The following ANK3 variants were observed in gnomAD, a reference collection of about 807,000 sequenced individuals.
ANK3 encodes ankyrin 3, also known as ankyrin-3.
ANK3 carries 57 observed loss-of-function variants against 370.9 expected under a neutral mutation model. That is an observed-to-expected ratio of 0.15 (90% CI 0.12 to 0.19). The LOEUF is 0.19. ANK3 is among the 10% of genes least tolerant of loss of function. The pLI is 1.00. For synonymous variants in ANK3, 1,929 were observed against 1,946.3 expected (o/e 0.99, Z 0.23); for missense variants, 4,439 against 5,302.1 (o/e 0.84, Z 5.06).
intron 18 of ANK3, 64 bp from the exon 19 acceptor site, chr10:60,173,250 A>T: frequency 2.4e-6 from 3 of 1,254,182 alleles, no homozygotes; most frequent in Non-Finnish European, 3.3e-6. Context: ...AGCTATCCTA[A>T]ACAGAAGCAA....
chr10:60,702,975 A>G (rs2079565550), intron 1 of ANK3, among the ~76,000 whole-genome samples: 1 of 152,202 alleles, frequency 6.6e-6, no homozygotes, highest in Non-Finnish European at 1.5e-5. Flanking sequence ...TTATTCAATG[A>G]TACCACAGGG....
chr10:60,529,031 G>T lies in ANK3; in HGVS notation c.96+86155C>A, dbSNP rs117360004. Among the ~76,000 whole-genome samples, 1,066 of 152,072 alleles carry T rather than the reference G, an allele frequency of 7.0e-3. 28 individuals carry two copies. The highest frequency in any genetic ancestry group is 0.035 in the East Asian group (183 of 5,160). On this transcript the variant is annotated intron_variant, in intron 2 of 43. Coordinates refer to the ANK3 transcript ENST00000373827. ...GAGTCATCTGTTAAAGATATGATGG[G>T]TTCACCATTACCATGAACATTGTGA... is the stretch of plus-strand genomic sequence containing the variant.
chr10:60,502,861 A>G (rs1595159634), intron 2 of ANK3, among the ~76,000 whole-genome samples: 1 of 148,104 alleles, frequency 6.8e-6, no homozygotes, highest in African/African-American at 2.5e-5. Flanking sequence ...GAAGGAAAAG[A>G]AAAAGGAAAA....
intron 1 of ANK3, among the ~76,000 whole-genome samples, chr10:60,672,412 A>C (rs1316372680): frequency 6.6e-6 from 1 of 152,200 alleles, no homozygotes. Flanking sequence ...GGGAAGAGGC[A>C]ATGGGCTGGA....
intron 2 of ANK3, among the ~76,000 whole-genome samples, chr10:60,479,156 C>A (rs2075146837): frequency 6.6e-6 from 1 of 152,040 alleles, no homozygotes; most frequent in Non-Finnish European, 1.5e-5. Flanking sequence ...ATCATAGCAA[C>A]TGAATGATTT....
intron 1 of ANK3, among the ~76,000 whole-genome samples, chr10:60,310,659 A>C (rs1056306529): frequency 6.6e-6 from 1 of 152,248 alleles, no homozygotes; most frequent in African/African-American, 2.4e-5. Flanking sequence ...AGGAGCCGTA[A>C]TGCCTATGCC....
At position 60,719,830 on chromosome 10, in the gene ANK3, A is replaced by G. The variant is rs532550501; in HGVS notation, c.57+13433T>C. Among the ~76,000 whole-genome samples, 3 of 152,344 alleles carry G rather than the reference A, an allele frequency of 2.0e-5. No homozygotes were observed. The South Asian group carries it at 6.2e-4, about 32-fold the overall frequency. Reference sequence around the variant, plus strand: ...GGTTATACATTTTATAAACCAATAAAAAATATATGGCATTGATTTTGGTGC... The same window carrying G: ...GGTTATACATTTTATAAACCAATAAGAAATATATGGCATTGATTTTGGTGC... On this transcript the variant is annotated intron_variant, in intron 1 of 43. Transcript: ENST00000373827.
Position 60,073,577 on chromosome 10 carries a change from T to A in ANK3, c.7304A>T (p.Tyr2435Phe). 1 of 1,614,104 alleles carries A rather than the reference T, an allele frequency of 6.2e-7. No individual in the cohort carries two copies. The highest frequency in any genetic ancestry group is 8.5e-7 in the Non-Finnish European group (1 of 1,180,008). Residue 2435 changes from tyrosine to phenylalanine, a missense_variant, in exon 37 of 44, where the codon TAT becomes TTT. By Grantham distance (22) the Tyr-to-Phe change is conservative. Around this residue, in one of 13 missense-constraint regions of ANK3, gnomAD observed 1,601 missense variants for 1,731.7 expected, o/e 0.92. Coordinates refer to ENST00000280772, the MANE Select transcript of ANK3 (RefSeq NM_020987.5). ...SSAQLISDDS[Y>F]KTLKLLSQHS... ...TTGACTCAAAAGCTTCAATGTTTTA[T>A]AAGAGTCATCAGATATGAGTTGAGC...
chr10:60,114,371 C>T, intron 25 of ANK3, 40 bp from the exon 26 acceptor site: 1 of 1,130,536 alleles, frequency 8.8e-7, no homozygotes, highest in Non-Finnish European at 1.3e-6. Context: ...ATCAACAAAC[C>T]ATACAAGACT....
chr10:60,280,722 A>G (rs1351853838), intron 1 of ANK3, among the ~76,000 whole-genome samples: 1 of 152,212 alleles, frequency 6.6e-6, no homozygotes, highest in Admixed American at 6.5e-5. Flanking sequence ...ACCAGTTATA[A>G]ATGCAATCAT....
intron 1 of ANK3, among the ~76,000 whole-genome samples, chr10:60,308,537 A>T (rs140100760): frequency 0.023 from 3,570 of 152,036 alleles, 142 homozygotes; most frequent in African/African-American, 0.082. Context: ...CGGCCTCCCA[A>T]ATTGCTGGGA....
In ANK3 at chr10:60,074,987, T is replaced by G. The variant is rs1317985319; in HGVS notation, c.5894A>C (p.Asp1965Ala). The G allele has an allele frequency of 1.9e-6, 3 of 1,614,090 alleles. No individual in the cohort carries two copies. Among genetic ancestry groups the G allele is most frequent in the Non-Finnish European group, 2.5e-6 (3 of 1,179,994 alleles). ...LVKVSEILKK[D>A]VCVDNKGSPK... ...TGATCCTTTATTATCTACACATACA[T>G]CCTTTTTAAGGATTTCACTAACTTT... The change falls in exon 37 of 44, where the codon GAT becomes GCT. Residue 1965 changes from aspartate (D) to alanine (A), a missense_variant. By Grantham distance (126) the Asp-to-Ala change is moderately radical. Coordinates refer to ENST00000280772, the MANE Select transcript of ANK3 (RefSeq NM_020987.5).
At chr10:60,708,383 G>A (rs2079649880) in intron 1 of ANK3, among the ~76,000 whole-genome samples, 1 of 152,142 alleles carries the variant, frequency 6.6e-6, no homozygotes, top group African/African-American at 2.4e-5. Context: ...CAAAATCCAT[G>A]AGAAGAAATG....
At chr10:60,067,082 G>A (rs2081802046) in intron 38 of ANK3, among the ~76,000 whole-genome samples, 1 of 152,136 alleles carries the variant, frequency 6.6e-6, no homozygotes, top group Non-Finnish European at 1.5e-5. Context: ...ACCACACCTG[G>A]CTAATTTTTG....
At chr10:60,388,369 G>C (rs1174196241) in intron 1 of ANK3, among the ~76,000 whole-genome samples, 2 of 152,168 alleles carry the variant, frequency 1.3e-5, no homozygotes, top group Non-Finnish European at 1.5e-5. Context: ...CACTCCTGAA[G>C]AGGGGTACAT....
At chr10:60,133,646 G>C (rs910235645) in intron 25 of ANK3, among the ~76,000 whole-genome samples, 2 of 152,172 alleles carry the variant, frequency 1.3e-5, no homozygotes, top group African/African-American at 4.8e-5. Flanking sequence ...ATTCAGGCTG[G>C]GTGCGGTGGT....
At chr10:60,614,254 A>G (rs2078239019) in intron 2 of ANK3, among the ~76,000 whole-genome samples, 1 of 152,212 alleles carries the variant, frequency 6.6e-6, no homozygotes, top group Non-Finnish European at 1.5e-5. Flanking sequence ...CACAAAATTC[A>G]GCCTAGTAAA....
At position 60,106,404 on chromosome 10, in the gene ANK3, T is replaced by C. The variant is rs1258243602; in HGVS notation, c.3174-345A>G. Among the ~76,000 whole-genome samples, 3 of 152,202 alleles carry C rather than the reference T, an allele frequency of 2.0e-5. No homozygotes were observed. The East Asian group carries it at 5.8e-4, about 29-fold the overall frequency. Reference sequence around the variant, plus strand: ...GTTGGTCCATTTTTAAAAGACACAATAGGTATATTATACAAATGCTAATGA... The same window carrying C: ...GTTGGTCCATTTTTAAAAGACACAACAGGTATATTATACAAATGCTAATGA... On this transcript the variant is annotated intron_variant, in intron 27 of 43. Coordinates refer to ENST00000280772, the MANE Select transcript of ANK3 (RefSeq NM_020987.5).
At chr10:60,220,974 C>G (rs372381612) in intron 8 of ANK3, among the ~76,000 whole-genome samples, 4 of 152,194 alleles carry the variant, frequency 2.6e-5, no homozygotes, top group African/African-American at 9.7e-5. Context: ...ATGCTACATA[C>G]TGAATGCAAA....
Sources: gnomAD v4.1 joint callset for allele counts (sites outside exome capture counted in the v4.1 genomes callset) on GRCh38, gnomAD v4.1.1 for gene constraint, gnomAD v4.1.1 regional missense constraint, MANE v1.5 for transcripts, NCBI Gene and HGNC (gene_info 2026-07-23, HGNC 2026-07-21) for gene names.